Variants in KCNIP4 observed in about 807,000 individuals in gnomAD.
The protein encoded by KCNIP4 is potassium voltage-gated channel interacting protein 4, also known as Kv channel-interacting protein 4.
KCNIP4 carries 12 observed loss-of-function variants against 34.0 expected under a neutral mutation model. The observed-to-expected ratio is 0.35, with a 90% CI of 0.23 to 0.57. The LOEUF is 0.57. KCNIP4 is among the 20% of genes least tolerant of loss of function. The probability of loss-of-function intolerance (pLI) is 0.83; values close to 1 mark genes in which losing one functional copy is unlikely to be tolerated. For missense variants in KCNIP4, 238 were observed against 311.7 expected (o/e 0.76, Z 1.78); for synonymous variants, 124 against 102.2 (o/e 1.21, Z -1.29).
intron 1 of KCNIP4, among the ~76,000 whole-genome samples, chr4:20,959,316 A>C (rs1733627243): frequency 1.3e-5 from 2 of 152,156 alleles, no homozygotes; most frequent in South Asian, 4.1e-4. Flanking sequence ...GCTACCCTAT[A>C]ATGTACTTAG....
At chr4:21,908,156 T>C (rs151090148) in intron 1 of KCNIP4, among the ~76,000 whole-genome samples, 5 of 152,300 alleles carry the variant, frequency 3.3e-5, no homozygotes, top group Non-Finnish European at 7.3e-5. Context: ...CTTCAGAATA[T>C]ATGAACACTT....
intron 1 of KCNIP4, among the ~76,000 whole-genome samples, chr4:21,895,515 T>C (rs560658918): frequency 6.6e-6 from 1 of 152,268 alleles, no homozygotes; most frequent in South Asian, 2.1e-4. Flanking sequence ...ATGTCAGTAT[T>C]AGGAATGATA....
chr4:21,780,327 G>A lies in KCNIP4; in HGVS notation c.61+168244C>T, dbSNP rs145053501. Among the ~76,000 whole-genome samples the A allele has an allele frequency of 7.2e-5, 11 of 152,220 alleles. No homozygotes were observed. The East Asian group carries it at 1.9e-3, about 27-fold the overall frequency. On this transcript the variant is annotated intron_variant, in intron 1 of 8. Transcript: ENST00000382152. ...AAATTCCCCATGCCACCTGGAAGTG[G>A]TAGGGAAAGGGACTAAAAATAAACA...
At chr4:20,873,398 T>C (rs769662870) in intron 2 of KCNIP4, among the ~76,000 whole-genome samples, 1 of 152,236 alleles carries the variant, frequency 6.6e-6, no homozygotes, top group Non-Finnish European at 1.5e-5. Flanking sequence ...CTATTGATAC[T>C]GTCTTGCACA....
chr4:20,872,523 G>A (rs957085218), intron 2 of KCNIP4, among the ~76,000 whole-genome samples: 9 of 152,102 alleles, frequency 5.9e-5, no homozygotes, highest in Admixed American at 1.3e-4. Context: ...GTAGAAAATT[G>A]AGGCTCTTTG....
intron 1 of KCNIP4, among the ~76,000 whole-genome samples, chr4:21,727,029 TTATTTC>T (rs1167258377): frequency 6.7e-6 from 1 of 149,542 alleles, no homozygotes; most frequent in Non-Finnish European, 1.5e-5. Flanking sequence ...ATCTGATAAC[TTATTTC>T]TCAAATGTTT....
intron 1 of KCNIP4, among the ~76,000 whole-genome samples, chr4:21,824,378 C>G (rs1722550693): frequency 6.6e-6 from 1 of 152,108 alleles, no homozygotes; most frequent in African/African-American, 2.4e-5. Flanking sequence ...TTCTGAACTT[C>G]CTAAATTGCT....
At chr4:21,498,417 G>C (rs76750444) in intron 1 of KCNIP4, among the ~76,000 whole-genome samples, 2 of 152,110 alleles carry the variant, frequency 1.3e-5, no homozygotes, top group African/African-American at 4.8e-5. Context: ...TTGTCCATTT[G>C]GGGGGTTATG....
chr4:20,826,055 A>G (rs1314826713), intron 3 of KCNIP4, among the ~76,000 whole-genome samples: 1 of 151,928 alleles, frequency 6.6e-6, no homozygotes. Context: ...TGTTAGGGGT[A>G]GAAGCCATAT....
intron 1 of KCNIP4, among the ~76,000 whole-genome samples, chr4:21,406,479 G>C (rs1458348501): frequency 6.6e-6 from 1 of 152,154 alleles, no homozygotes; most frequent in Non-Finnish European, 1.5e-5. Context: ...AAATAGGCCA[G>C]TTTCAATTAG....
intron 1 of KCNIP4, among the ~76,000 whole-genome samples, chr4:21,421,022 A>G (rs999405007): frequency 1.3e-5 from 2 of 152,226 alleles, no homozygotes; most frequent in Admixed American, 6.5e-5. Context: ...CAAATGGCCA[A>G]CGGGCATATG....
chr4:21,747,635 A>G (rs1716863892), intron 1 of KCNIP4, among the ~76,000 whole-genome samples: 2 of 152,268 alleles, frequency 1.3e-5, no homozygotes, highest in South Asian at 4.1e-4. Context: ...CTGATTGCCA[A>G]TCAAAACTAC....
chr4:21,172,845 G>A (rs1030549060), intron 1 of KCNIP4, among the ~76,000 whole-genome samples: 3 of 152,082 alleles, frequency 2.0e-5, no homozygotes, highest in South Asian at 2.1e-4. Context: ...ACCCCACTCC[G>A]GTGTGTTTAA....
intron 8 of KCNIP4, chr4:20,731,639 C>G: frequency 2.0e-6 from 2 of 985,224 alleles, no homozygotes; most frequent in Non-Finnish European, 2.4e-6. Context: ...TCTAGGAATT[C>G]TAATGCTGTG....
intron 1 of KCNIP4, among the ~76,000 whole-genome samples, chr4:21,296,550 A>G (rs1173857435): frequency 6.6e-6 from 1 of 151,736 alleles, no homozygotes; most frequent in Non-Finnish European, 1.5e-5. Flanking sequence ...GGGAGGTGCT[A>G]TGATTATTCC....
intron 1 of KCNIP4, among the ~76,000 whole-genome samples, chr4:21,139,898 C>A (rs1304846801): frequency 6.6e-6 from 1 of 152,042 alleles, no homozygotes; most frequent in Non-Finnish European, 1.5e-5. Flanking sequence ...ATTTACTCTC[C>A]CTCAGCCACG....
intron 1 of KCNIP4, among the ~76,000 whole-genome samples, chr4:21,446,887 A>T (rs949958915): frequency 6.6e-6 from 1 of 152,080 alleles, no homozygotes; most frequent in Non-Finnish European, 1.5e-5. Context: ...CAAGTAATAC[A>T]TTCTATTGTA....
At chr4:21,733,316 A>T (rs1216105901) in intron 1 of KCNIP4, among the ~76,000 whole-genome samples, 1 of 152,338 alleles carries the variant, frequency 6.6e-6, no homozygotes, top group East Asian at 1.9e-4. Context: ...AGTGAATCGT[A>T]TATAGATACA....
chr4:21,436,139 G>A (rs1726925830), intron 1 of KCNIP4, among the ~76,000 whole-genome samples: 1 of 152,196 alleles, frequency 6.6e-6, no homozygotes, highest in African/African-American at 2.4e-5. Context: ...TGTTCCTGAT[G>A]TCTAATCCAA....
Sources: gnomAD v4.1 joint callset for allele counts (sites outside exome capture counted in the v4.1 genomes callset) on GRCh38, gnomAD v4.1.1 for gene constraint, MANE v1.5 for transcripts, NCBI Gene and HGNC (gene_info 2026-07-23, HGNC 2026-07-21) for gene names.